Variants in SUCLA2 observed in about 807,000 individuals in gnomAD.
The protein encoded by SUCLA2 is succinate-CoA ligase ADP-forming subunit beta, also known as succinate--CoA ligase [ADP-forming] subunit beta, mitochondrial.
In SUCLA2, 30 loss-of-function variants were observed where a neutral mutation model predicts 54.8. The observed-to-expected ratio is 0.55, with a 90% CI of 0.41 to 0.74. The LOEUF (loss-of-function observed/expected upper bound fraction) is 0.74. Ranked by LOEUF, SUCLA2 falls within the 30% of genes least tolerant of loss-of-function variation. The pLI, the probability that SUCLA2 is intolerant of heterozygous loss-of-function variation, is 0.00. For missense variants in SUCLA2, 476 were observed against 562.9 expected, an observed-to-expected ratio of 0.85 and a Z score of 1.56; for synonymous variants, 172 against 188.9, an observed-to-expected ratio of 0.91 and a Z score of 0.74.
chr13:47,991,131 G>A (rs1950146454), intron 2 of SUCLA2, among the ~76,000 whole-genome samples: 1 of 152,162 alleles, frequency 6.6e-6, no homozygotes, highest in Non-Finnish European at 1.5e-5. Context: ...GTCCCCCACA[G>A]AATATTCTCA....
At chr13:47,944,335 ATAT>A (rs1327123885) in intron 10 of SUCLA2, among the ~76,000 whole-genome samples, 2 of 152,170 alleles carry the variant, frequency 1.3e-5, no homozygotes, top group Non-Finnish European at 2.9e-5. Flanking sequence ...ATCTCATTCA[ATAT>A]TATTATTGTT....
chr13:47,967,380 A>G (rs77772740), intron 6 of SUCLA2, among the ~76,000 whole-genome samples: 148 of 152,312 alleles, frequency 9.7e-4, no homozygotes, highest in African/African-American at 3.2e-3. Context: ...CTAAAAGTAA[A>G]GCTAAAGTAA....
In SUCLA2 at chr13:47,997,007, C is replaced by A. The variant is rs562054688; in HGVS notation, c.107G>T (p.Gly36Val). The change falls in exon 2 of 11, where the codon GGA becomes GTA. Residue 36 changes from glycine (G) to valine (V), a missense_variant. Gly to Val is a moderately radical substitution (Grantham distance 109, BLOSUM62 -3). This residue lies in a region of SUCLA2 where 134 missense variants were observed against 118.7 expected (regional missense o/e 1.13). Coordinates refer to ENST00000646932, the MANE Select transcript of SUCLA2 (RefSeq NM_003850.3). Reference protein sequence around the residue: ...RAAAQVLGSSGLFNNHGLQVQ... With the variant: ...RAAAQVLGSSVLFNNHGLQVQ... ...TTGGAGTCCATGGTTATTAAACAAT[C>A]CAGAACTTCCCAGAACCTAGAAAGA... The A allele has an allele frequency of 6.2e-7, 1 of 1,614,082 alleles. No individual in the cohort carries two copies.
intron 2 of SUCLA2, among the ~76,000 whole-genome samples, chr13:47,990,272 C>T (rs769153240): frequency 6.6e-6 from 1 of 152,104 alleles, no homozygotes; most frequent in African/African-American, 2.4e-5. Context: ...CACTTGAATC[C>T]GGGAGGCGGA....
At chr13:47,965,524 A>C (rs1441245804) in intron 6 of SUCLA2, 1 of 396,200 alleles carries the variant, frequency 2.5e-6, no homozygotes, top group Non-Finnish European at 4.4e-6. Flanking sequence ...AACAAAAAAA[A>C]AAAACAAAGA....
At chr13:47,954,351 AAT>A in intron 7 of SUCLA2, 43 bp downstream of exon 7, 1 of 1,613,824 alleles carries the variant, frequency 6.2e-7, no homozygotes, top group Non-Finnish European at 8.5e-7. Flanking sequence ...AGTAAATCCA[AAT>A]TAAACTTAGT....
rs2137743778 is a variant in SUCLA2 at position 47,989,105 on chromosome 13, A to C, written c.272-124T>G. On this transcript the variant is annotated intron_variant, in intron 2 of 10. Coordinates refer to ENST00000646932, the MANE Select transcript of SUCLA2 (RefSeq NM_003850.3). Reference sequence around the variant, plus strand: ...CAAGTCTAATTTATTCACAATGTCCAAAAATAAGGCATTCTCTTTATGTAG... The same window carrying C: ...CAAGTCTAATTTATTCACAATGTCCCAAAATAAGGCATTCTCTTTATGTAG... 4 of 935,778 alleles carry C rather than the reference A, an allele frequency of 4.3e-6. No homozygotes were observed. In the East Asian group the frequency reaches 9.9e-5, roughly 23 times the overall value. 58.0% of individuals were successfully genotyped at this position (935,778 alleles called of 1,614,324 possible).
intron 10 of SUCLA2, among the ~76,000 whole-genome samples, chr13:47,947,724 C>T (rs964098729): frequency 1.3e-5 from 2 of 152,072 alleles, no homozygotes; most frequent in Non-Finnish European, 2.9e-5. Context: ...GACTGAACTC[C>T]CAGTTTACAG....
At chr13:47,961,327 A>C (rs974477408) in intron 6 of SUCLA2, among the ~76,000 whole-genome samples, 14 of 152,144 alleles carry the variant, frequency 9.2e-5, no homozygotes, top group African/African-American at 3.4e-4. Context: ...TCTTTATTAC[A>C]TCTTATTGCT....
chr13:47,989,224 T>TG (rs1950131235), intron 2 of SUCLA2, among the ~76,000 whole-genome samples: 1 of 151,774 alleles, frequency 6.6e-6, no homozygotes, highest in African/African-American at 2.4e-5. Flanking sequence ...TTTTTTTTTT[T>TG]TTTTGAAACA....
At chr13:47,945,647 C>G (rs1350222795) in intron 10 of SUCLA2, 3 of 47,212 alleles carry the variant, frequency 6.4e-5, no homozygotes, top group South Asian at 6.6e-4. Context: ...AAGGGAGACA[C>G]ACACACACAC....
At chr13:47,989,288 G>A (rs1436015660) in intron 2 of SUCLA2, among the ~76,000 whole-genome samples, 1 of 149,554 alleles carries the variant, frequency 6.7e-6, no homozygotes, top group Non-Finnish European at 1.5e-5. Context: ...TCGGCTCACT[G>A]TAAGCTCCGC....
chr13:47,991,283 T>G (rs899625992), intron 2 of SUCLA2, among the ~76,000 whole-genome samples: 1 of 152,222 alleles, frequency 6.6e-6, no homozygotes, highest in Admixed American at 6.5e-5. Context: ...TCCTAGGCCC[T>G]CCTGGTTGCT....
At chr13:47,943,744 ATGTGTG>A (rs150379863) in intron 10 of SUCLA2, among the ~76,000 whole-genome samples, 1 of 144,570 alleles carries the variant, frequency 6.9e-6, no homozygotes. Flanking sequence ...GTGTGTATGT[ATGTGTG>A]TGTGTGTGTG....
At position 47,944,906 on chromosome 13, in the gene SUCLA2, T is replaced by G. The variant is rs1000698288; in HGVS notation, c.1318-1461A>C. ...GGAAGGCCGAGGTGGGAGGATCATA[T>G]GAGGTCTGGAGTTCGAGACCAGCCT... On this transcript the variant is annotated intron_variant, in intron 10 of 10. Transcript: ENST00000646932. Among the ~76,000 whole-genome samples the G allele has an allele frequency of 5.3e-5, 8 of 152,060 alleles. No individual in the cohort carries two copies. The South Asian group carries it at 8.3e-4, about 16-fold the overall frequency.
intron 4 of SUCLA2, among the ~76,000 whole-genome samples, chr13:47,981,036 A>G (rs1014669835): frequency 1.3e-5 from 2 of 152,244 alleles, no homozygotes; most frequent in Non-Finnish European, 2.9e-5. Context: ...CATTGGATTT[A>G]GCAATGATTT....
chr13:47,969,839 A>C (rs1949948395), intron 5 of SUCLA2, among the ~76,000 whole-genome samples: 1 of 152,180 alleles, frequency 6.6e-6, no homozygotes, highest in South Asian at 2.1e-4. Flanking sequence ...CAGTGGCTCA[A>C]GTCTGTAATA....
chr13:47,959,420 G>A (rs1419163676), intron 6 of SUCLA2, among the ~76,000 whole-genome samples: 1 of 143,558 alleles, frequency 7.0e-6, no homozygotes, highest in Non-Finnish European at 1.5e-5. Context: ...GGGAGAGGGA[G>A]AAGGAGGAGG....
chr13:47,986,978 C>T (rs376009394), intron 4 of SUCLA2, among the ~76,000 whole-genome samples: 2 of 152,174 alleles, frequency 1.3e-5, no homozygotes, highest in South Asian at 2.1e-4. Context: ...AAAAGTAACA[C>T]CAACCAACTC....
Sources: gnomAD v4.1 joint callset for allele counts (sites outside exome capture counted in the v4.1 genomes callset) on GRCh38, gnomAD v4.1.1 for gene constraint, gnomAD v4.1.1 regional missense constraint, MANE v1.5 for transcripts, NCBI Gene and HGNC (gene_info 2026-07-23, HGNC 2026-07-21) for gene names.